COL8A1: variants seen among roughly 807,000 people sequenced by gnomAD.
The protein encoded by COL8A1 is collagen type VIII alpha 1 chain.
COL8A1 carries 21 observed loss-of-function variants against 42.7 expected under a neutral mutation model. That is an observed-to-expected ratio of 0.49 (90% confidence interval 0.35 to 0.71). The LOEUF (loss-of-function observed/expected upper bound fraction) is 0.71. Among genes scored for constraint, COL8A1 ranks in the 30% least tolerant of loss-of-function variants. COL8A1 has a pLI of 0.01. For missense variants in COL8A1, 788 were observed against 962.4 expected, an observed-to-expected ratio of 0.82 and a Z score of 2.40; for synonymous variants, 367 against 369.1, an observed-to-expected ratio of 0.99 and a Z score of 0.06.
intron 1 of COL8A1, among the ~76,000 whole-genome samples, chr3:99,732,294 G>A (rs182726651): frequency 7.9e-5 from 12 of 152,092 alleles, no homozygotes; most frequent in African/African-American, 2.9e-4. Context: ...ATATCCAGGT[G>A]TATTAGTCCC....
chr3:99,690,912 G>T (rs894279606), intron 1 of COL8A1, among the ~76,000 whole-genome samples: 3 of 152,226 alleles, frequency 2.0e-5, no homozygotes, highest in Non-Finnish European at 2.9e-5. Context: ...ATTAGTTAAT[G>T]CAACAAATCT....
At chr3:99,780,328 A>T (rs1941771652) in intron 2 of COL8A1, among the ~76,000 whole-genome samples, 1 of 152,194 alleles carries the variant, frequency 6.6e-6, no homozygotes, top group Non-Finnish European at 1.5e-5. Context: ...TAATTCAGGC[A>T]ATTTAGCTCA....
At chr3:99,750,973 G>A (rs1042405914) in intron 2 of COL8A1, among the ~76,000 whole-genome samples, 4 of 152,138 alleles carry the variant, frequency 2.6e-5, no homozygotes, top group Non-Finnish European at 4.4e-5. Context: ...TAAAATGTCA[G>A]GTGGAAATAC....
chr3:99,663,593 T>A (rs1048305201), intron 1 of COL8A1, among the ~76,000 whole-genome samples: 1 of 152,198 alleles, frequency 6.6e-6, no homozygotes, highest in African/African-American at 2.4e-5. Flanking sequence ...GTCTAACTCT[T>A]TGACCTTTAA....
chr3:99,765,176 G>T (rs1477897558), intron 2 of COL8A1, among the ~76,000 whole-genome samples: 1 of 152,182 alleles, frequency 6.6e-6, no homozygotes, highest in African/African-American at 2.4e-5. Context: ...ACAGAGACAT[G>T]GTCTTGGCTA....
chr3:99,679,876 G>T (rs893672124), intron 1 of COL8A1: 4 of 152,136 alleles, frequency 2.6e-5, no homozygotes, highest in African/African-American at 4.8e-5. Flanking sequence ...ATGGATTGGG[G>T]TGTATTTTTA....
intron 1 of COL8A1, among the ~76,000 whole-genome samples, chr3:99,670,232 T>C (rs987208539): frequency 2.6e-5 from 4 of 152,106 alleles, no homozygotes; most frequent in Non-Finnish European, 4.4e-5. Flanking sequence ...TGGGAAGTTT[T>C]TTGAGCCAAA....
chr3:99,704,759 C>T (rs1160720206), intron 1 of COL8A1, among the ~76,000 whole-genome samples: 1 of 152,168 alleles, frequency 6.6e-6, no homozygotes, highest in Non-Finnish European at 1.5e-5. Flanking sequence ...TTATAAAGTG[C>T]ATACTTTGTA....
intron 1 of COL8A1, among the ~76,000 whole-genome samples, chr3:99,688,307 T>A (rs1357172697): frequency 1.3e-5 from 2 of 151,588 alleles, no homozygotes; most frequent in Admixed American, 1.3e-4. Flanking sequence ...AAGGTGTCAA[T>A]AGGGCTGCAT....
chr3:99,674,326 T>G (rs994763397), intron 1 of COL8A1, among the ~76,000 whole-genome samples: 4 of 151,940 alleles, frequency 2.6e-5, no homozygotes, highest in Admixed American at 2.6e-4. Flanking sequence ...AGGAATGCCT[T>G]GCTTACTCCA....
At chr3:99,688,826 C>T (rs1045716560) in intron 1 of COL8A1, among the ~76,000 whole-genome samples, 19 of 152,142 alleles carry the variant, frequency 1.2e-4, no homozygotes, top group Admixed American at 2.6e-4. Flanking sequence ...GGATTTCTCA[C>T]CCTCAGCACT....
At chr3:99,680,592 G>A (rs1183401863) in intron 1 of COL8A1, 1 of 152,124 alleles carries the variant, frequency 6.6e-6, no homozygotes, top group Non-Finnish European at 1.5e-5. Flanking sequence ...CAATGGTTGA[G>A]CTAGTTTACA....
At chr3:99,651,152 T>C (rs969678247) in intron 1 of COL8A1, among the ~76,000 whole-genome samples, 35 of 152,220 alleles carry the variant, frequency 2.3e-4, no homozygotes, top group African/African-American at 8.2e-4. Context: ...TTTATCACTA[T>C]ATAAACAAAA....
At chr3:99,664,406 C>T (rs1198333700) in intron 1 of COL8A1, among the ~76,000 whole-genome samples, 1 of 152,116 alleles carries the variant, frequency 6.6e-6, no homozygotes. Context: ...GATTCTATAA[C>T]TTCGTGGTCA....
chr3:99,669,532 G>T (rs1158821216), intron 1 of COL8A1, among the ~76,000 whole-genome samples: 1 of 151,982 alleles, frequency 6.6e-6, no homozygotes, highest in Non-Finnish European at 1.5e-5. Context: ...AAATTTTAGA[G>T]TTTAAGACTA....
At chr3:99,722,048 T>C (rs1028156150) in intron 1 of COL8A1, among the ~76,000 whole-genome samples, 2 of 152,156 alleles carry the variant, frequency 1.3e-5, no homozygotes, top group Admixed American at 1.3e-4. Flanking sequence ...CTTTTTTCAA[T>C]GCTATGAACT....
intron 1 of COL8A1, among the ~76,000 whole-genome samples, chr3:99,658,976 G>A (rs962783402): frequency 2.0e-5 from 3 of 152,266 alleles, no homozygotes; most frequent in Admixed American, 6.5e-5. Flanking sequence ...CAGTCTCATG[G>A]GTTGAGGCCA....
chr3:99,730,966 T>C, intron 1 of COL8A1, among the ~76,000 whole-genome samples: 1 of 152,112 alleles, frequency 6.6e-6, no homozygotes, highest in East Asian at 1.9e-4. Context: ...TCTTTTGTAG[T>C]GCTAAGTTCT....
chr3:99,782,685 C>G (rs1941817110), intron 2 of COL8A1, among the ~76,000 whole-genome samples: 1 of 152,190 alleles, frequency 6.6e-6, no homozygotes, highest in Non-Finnish European at 1.5e-5. Flanking sequence ...AGCCACCGCA[C>G]CCGGCCCCTG....
Sources: allele counts gnomAD v4.1 joint callset (sites outside exome capture counted in the v4.1 genomes callset), GRCh38; gene constraint gnomAD v4.1.1; transcripts MANE v1.5; gene names NCBI Gene and HGNC (gene_info 2026-07-23, HGNC 2026-07-21).